CASZ1: variants seen among roughly 807,000 people sequenced by gnomAD.
The protein encoded by CASZ1 is castor zinc finger 1.
In CASZ1, 28 loss-of-function variants were observed where a neutral mutation model predicts 135.2. The ratio of observed to expected loss-of-function variants is 0.21; its 90% CI spans 0.15 to 0.28. CASZ1 has a LOEUF of 0.28. Ranked by LOEUF, CASZ1 falls within the 10% of genes least tolerant of loss-of-function variation. The pLI is 1.00. For synonymous variants in CASZ1, 1,068 were observed against 1,073.4 expected, an observed-to-expected ratio of 0.99 and a Z score of 0.10; for missense variants, 2,161 against 2,453.3, an observed-to-expected ratio of 0.88 and a Z score of 2.52.
Position 10,739,473 on chromosome 1 carries a change from G to A in CASZ1, c.-77+21228C>T, listed in dbSNP as rs887460329. On this transcript the variant is annotated intron_variant, in intron 2 of 20. Coordinates refer to ENST00000377022, the MANE Select transcript of CASZ1 (RefSeq NM_001079843.3). The surrounding 1 kb of genome is among the most constrained non-coding windows in gnomAD (Gnocchi z 4.8). ...AGGGCGGTCTGCTCTCACTCCCCTCGCTGCTCTGTAATTAAGCTCAGCTGC... is the reference window on the plus strand; with the variant it reads ...AGGGCGGTCTGCTCTCACTCCCCTCACTGCTCTGTAATTAAGCTCAGCTGC... Among the ~76,000 whole-genome samples the A allele has an allele frequency of 3.3e-5, 5 of 152,108 alleles. No individual in the cohort carries two copies. Among genetic ancestry groups the A allele is most frequent in the Non-Finnish European group, 5.9e-5 (4 of 67,988 alleles).
chr1:10,742,138 C>A (rs1487749091), intron 2 of CASZ1, among the ~76,000 whole-genome samples: 1 of 152,156 alleles, frequency 6.6e-6, no homozygotes, highest in African/African-American at 2.4e-5. Context: ...GAAGCATTGA[C>A]TTCTCAAACA....
intron 5 of CASZ1, among the ~76,000 whole-genome samples, chr1:10,662,074 TTC>T (rs1200053641): frequency 7.4e-6 from 1 of 135,652 alleles, no homozygotes; most frequent in Non-Finnish European, 1.6e-5. Context: ...CACACACGCA[TTC>T]TCACACACAC....
rs980377371 is a variant in CASZ1 at position 10,679,311 on chromosome 1, C to T, written c.17-13740G>A. ...AGACAGGTCTCCTGGGCCATCTGCA[C>T]CACATGCCCCAGGAAGCGGTCCCTC... is the stretch of plus-strand genomic sequence containing the variant. On this transcript the variant is annotated intron_variant, in intron 4 of 20. Coordinates refer to ENST00000377022, the MANE Select transcript of CASZ1 (RefSeq NM_001079843.3). This position sits in a 1 kb window ranked among gnomAD's most constrained non-coding sequence, Gnocchi z 4.7. Among the ~76,000 whole-genome samples the T allele has an allele frequency of 1.3e-4, 20 of 152,198 alleles. No homozygotes were observed. Among genetic ancestry groups the T allele is most frequent in the African/African-American group, 4.8e-4 (20 of 41,442 alleles).
At position 10,673,182 on chromosome 1, in the gene CASZ1, T is replaced by C. The variant is rs147938014; in HGVS notation, c.17-7611A>G. ...GAATTCAAATTGCTTACTTTGTTGG[T>C]TTTTTTAAATAATTTATGCAATTTT... On this transcript the variant is annotated intron_variant, in intron 4 of 20. Transcript: ENST00000377022. Among the ~76,000 whole-genome samples, 1,440 of 152,234 alleles carry C rather than the reference T, an allele frequency of 9.5e-3. 63 individuals carry two copies. The highest frequency in any genetic ancestry group is 0.069 in the Admixed American group (1,055 of 15,286).
Position 10,762,457 on chromosome 1 carries a change from C to T in CASZ1, c.-233-1600G>A, listed in dbSNP as rs1640395877. Among the ~76,000 whole-genome samples, 1 of 152,150 alleles carries T rather than the reference C, an allele frequency of 6.6e-6. No individual in the cohort carries two copies. Among genetic ancestry groups the T allele is most frequent in the African/African-American group, 2.4e-5 (1 of 41,418 alleles). On this transcript the variant is annotated intron_variant, in intron 1 of 20. Transcript: ENST00000377022. The surrounding 1 kb of genome is among the most constrained non-coding windows in gnomAD (Gnocchi z 4.1). ...AGAGGAAAAAACACTTTAATGGAAACTTCAGGGCCACTGGGAGACTCACTC... is the reference window on the plus strand; with the variant it reads ...AGAGGAAAAAACACTTTAATGGAAATTTCAGGGCCACTGGGAGACTCACTC...
rs1325514649 is a variant in CASZ1, at chr1:10,706,723, C to T, written c.-76-1179G>A. 6.6e-6 allele frequency among the ~76,000 whole-genome samples: 1 copy of T among 152,158 alleles called. No individual in the cohort carries two copies. Among genetic ancestry groups the T allele is most frequent in the Non-Finnish European group, 1.5e-5 (1 of 68,022 alleles). On this transcript the variant is annotated intron_variant, in intron 2 of 20. Coordinates refer to ENST00000377022, the MANE Select transcript of CASZ1 (RefSeq NM_001079843.3). The surrounding 1 kb of genome is among the most constrained non-coding windows in gnomAD (Gnocchi z 4.3). The stretch of plus-strand genomic sequence containing the variant: ...GTTGGGCTGCCCGGGCAGAGGGTGC[C>T]CACTGGGGCGGAGCCTGCCCTGCCA...
chr1:10,730,486 T>C (rs1302920685), intron 2 of CASZ1, among the ~76,000 whole-genome samples: 1 of 152,214 alleles, frequency 6.6e-6, no homozygotes, highest in East Asian at 1.9e-4. Flanking sequence ...CTGAAGGACA[T>C]GGACCCGTGT....
rs769409839 is a variant in CASZ1 at position 10,650,934 on chromosome 1, G to C, written c.2816+7C>G. On this transcript the variant is annotated splice_region_variant and intron_variant, in intron 12 of 20. Coordinates refer to ENST00000377022, the MANE Select transcript of CASZ1 (RefSeq NM_001079843.3). ...GGGGCTGGCTCCCATAGGGGGCCTC[G>C]CCTCACCTGGGCTCCTTCACAGTCA... is the stretch of plus-strand genomic sequence containing the variant. The C allele has an allele frequency of 4.4e-6, 7 of 1,605,776 alleles. No individual in the cohort carries two copies. Among genetic ancestry groups the C allele is most frequent in the South Asian group, 1.1e-5 (1 of 90,052 alleles).
In CASZ1 at chr1:10,663,848, C is replaced by T. The variant is rs187503552; in HGVS notation, c.505+1235G>A. ...GTTCCAGGCCCGCCTCTGCCAGCCC[C>T]GCTCTCCACTCCTCTGGGGGAAGGA... On this transcript the variant is annotated intron_variant, in intron 5 of 20. Transcript: ENST00000377022. Among the ~76,000 whole-genome samples the T allele has an allele frequency of 9.4e-3, 1,439 of 152,316 alleles. 23 individuals are homozygous for T. The highest frequency in any genetic ancestry group is 0.032 in the African/African-American group (1,321 of 41,556).
intron 1 of CASZ1, among the ~76,000 whole-genome samples, chr1:10,789,133 G>A: frequency 6.6e-6 from 1 of 152,122 alleles, no homozygotes; most frequent in South Asian, 2.1e-4. Context: ...GCGCCCAGGA[G>A]AAAGCAAATA....
intron 3 of CASZ1, chr1:10,704,270 GGT>G (rs1219496795): frequency 1.3e-5 from 2 of 152,560 alleles, no homozygotes; most frequent in African/African-American, 4.8e-5. Flanking sequence ...GTGAGGCCAT[GGT>G]TAAGAGGAGG....
intron 4 of CASZ1, among the ~76,000 whole-genome samples, chr1:10,673,309 C>A (rs1444478828): frequency 6.6e-6 from 1 of 152,204 alleles, no homozygotes; most frequent in African/African-American, 2.4e-5. Context: ...GGATCAATTT[C>A]TGAGAGTACT....
chr1:10,668,565 G>C (rs1379214771), intron 4 of CASZ1, among the ~76,000 whole-genome samples: 1 of 152,238 alleles, frequency 6.6e-6, no homozygotes, highest in Non-Finnish European at 1.5e-5. Context: ...CTGGGCCGGG[G>C]CCTGGGACCC....
At chr1:10,654,639 T>C (rs1205854996) in intron 9 of CASZ1, 48 bp from the exon 10 acceptor site, 3 of 1,582,852 alleles carry the variant, frequency 1.9e-6, no homozygotes, top group Admixed American at 1.7e-5. Context: ...CAGGTGCTCC[T>C]GGGCCGAGGT....
At position 10,714,992 on chromosome 1, in the gene CASZ1, G is replaced by T. The variant is rs144263169; in HGVS notation, c.-76-9448C>A. 2.0e-3 allele frequency among the ~76,000 whole-genome samples: 305 copies of T among 152,290 alleles called. 5 individuals carry two copies. Among genetic ancestry groups the T allele is most frequent in the Non-Finnish European group, 2.9e-3 (196 of 68,012 alleles). ...GAGACCCACCTGCCGCCGCTCAGCC[G>T]CGGGCCTAACCTTGGTCCAGGTTCC... On this transcript the variant is annotated intron_variant, in intron 2 of 20. Transcript: ENST00000377022.
rs1217206723 is a variant in CASZ1, at chr1:10,721,057, T to C, written c.-76-15513A>G. 6.6e-6 allele frequency among the ~76,000 whole-genome samples: 1 copy of C among 151,646 alleles called. No homozygotes were observed. Among genetic ancestry groups the C allele is most frequent in the Non-Finnish European group, 1.5e-5 (1 of 67,904 alleles). Reference sequence around the variant, plus strand: ...TCCTCGCCCGTAACTCTGGTGGGGGTCCCTTTTGTACAGGAGCCAAGCTGG... The same window carrying C: ...TCCTCGCCCGTAACTCTGGTGGGGGCCCCTTTTGTACAGGAGCCAAGCTGG... On this transcript the variant is annotated intron_variant, in intron 2 of 20. Coordinates refer to ENST00000377022, the MANE Select transcript of CASZ1 (RefSeq NM_001079843.3). The surrounding 1 kb of genome is among the most constrained non-coding windows in gnomAD (Gnocchi z 5.4).
intron 1 of CASZ1, among the ~76,000 whole-genome samples, chr1:10,782,222 G>A (rs1640775486): frequency 6.6e-6 from 1 of 152,222 alleles, no homozygotes; most frequent in Admixed American, 6.5e-5. Context: ...GCAGCTTCTG[G>A]GAATGCTTAA....
At chr1:10,792,340 CG>C (rs1640975676) in intron 1 of CASZ1, among the ~76,000 whole-genome samples, 3 of 23,954 alleles carry the variant, frequency 1.3e-4, no homozygotes, top group Non-Finnish European at 2.2e-4. Context: ...CCCCCCCCCC[CG>C]GCCCCGCACA....
chr1:10,782,946 T>C (rs1640788670), intron 1 of CASZ1, among the ~76,000 whole-genome samples: 1 of 152,064 alleles, frequency 6.6e-6, no homozygotes, highest in Non-Finnish European at 1.5e-5. Context: ...GGGGGAAGCT[T>C]GTTTTCTACC....
Sources: gnomAD v4.1 joint callset for allele counts (sites outside exome capture counted in the v4.1 genomes callset) on GRCh38, gnomAD v4.1.1 for gene constraint, Gnocchi (gnomAD v3.1) non-coding constraint, MANE v1.5 for transcripts, NCBI Gene and HGNC (gene_info 2026-07-23, HGNC 2026-07-21) for gene names.